The following C12orf57 variants were observed in gnomAD, a reference collection of about 807,000 sequenced individuals.
The protein encoded by C12orf57 is chromosome 12 open reading frame 57.
In C12orf57, 14 loss-of-function variants were observed where a neutral mutation model predicts 11.3. The ratio of observed to expected loss-of-function variants is 1.24; its 90% CI spans 0.82 to 1.94. The LOEUF (loss-of-function observed/expected upper bound fraction) is 1.94. Ranked by LOEUF, C12orf57 falls within the 30% of genes most tolerant of loss-of-function variation. The pLI is 0.00. For synonymous variants in C12orf57, 100 were observed against 74.6 expected (o/e 1.34, Z -1.76); for missense variants, 229 against 172.4 (o/e 1.33, Z -1.84).
At chr12:6,943,466 A>G, upstream of C12orf57, 1 of 1,240,796 alleles carries the variant, frequency 8.1e-7, no homozygotes, top group Non-Finnish European at 1.0e-6. Context: ...ATTAGGCTCC[A>G]TCGCTCATCA....
upstream of C12orf57, chr12:6,943,632 T>C (rs1945683913): frequency 7.8e-7 from 1 of 1,289,418 alleles, no homozygotes; most frequent in African/African-American, 1.5e-5. Flanking sequence ...TGAGAACAAA[T>C]GTTCGCGAAC....
upstream of C12orf57, chr12:6,943,853 T>TC (rs1298070350): frequency 1.1e-6 from 1 of 909,286 alleles, no homozygotes; most frequent in East Asian, 3.2e-5. Context: ...CTAGTAGGCT[T>TC]TCTGGCTTTT....
In C12orf57 at chr12:6,944,055, T is replaced by G; in HGVS notation, c.-67T>G. ...CTCCCAGGGGCGTTGGGAACGGTTG[T>G]AGGACGTGGCTCTTTATTCGTGAGT... On this transcript the variant is annotated 5_prime_UTR_variant, in exon 1 of 3. Transcript: ENST00000229281. 1.2e-6 allele frequency: 2 copies of G among 1,612,906 alleles called. No individual in the cohort carries two copies. Among genetic ancestry groups the G allele is most frequent in the South Asian group, 1.1e-5 (1 of 91,062 alleles).
At position 6,944,629 on chromosome 12, in the gene C12orf57, A is replaced by G. The variant is rs782485941; in HGVS notation, c.206A>G (p.Tyr69Cys). The change falls in exon 2 of 3, where the codon TAT (tyrosine) becomes TGT (cysteine). Residue 69 changes from tyrosine to cysteine, a missense_variant. Transcript: ENST00000229281. ...ATCCAGCAGGAGGTTATCAAAGCCTATGGCTTCAGCTGCGACGGGGAAGGT... is the reference window on the plus strand; with the variant it reads ...ATCCAGCAGGAGGTTATCAAAGCCTGTGGCTTCAGCTGCGACGGGGAAGGT... ...TQIQQEVIKA[Y>C]GFSCDGEGVL... is the part of the protein sequence containing the mutation. The G allele has an allele frequency of 3.1e-6, 5 of 1,613,548 alleles. No homozygotes were observed. Among genetic ancestry groups the G allele is most frequent in the Admixed American group, 1.7e-5 (1 of 60,018 alleles).
rs148547360 is a variant in C12orf57, at chr12:6,945,205, C to G, written c.229+553C>G. ...AGGATGGTCAACCTGTACTGTTAATCACATTATTATTCCATTTTGTGATGA... is the reference window on the plus strand; with the variant it reads ...AGGATGGTCAACCTGTACTGTTAATGACATTATTATTCCATTTTGTGATGA... On this transcript the variant is annotated intron_variant, in intron 2 of 2. Coordinates refer to ENST00000229281, the MANE Select transcript of C12orf57 (RefSeq NM_138425.4). 1.3e-3 allele frequency: 258 copies of G among 195,834 alleles called. 1 individual carries two copies. Among genetic ancestry groups the G allele is most frequent in the African/African-American group, 5.5e-3 (236 of 42,758 alleles). The allele number at this position is 195,834 out of a possible 1,614,324, so 12.1% of individuals were successfully genotyped here. A position where few individuals can be genotyped will look rare whatever the true frequency, so the allele number is the denominator to read the frequency against.
In C12orf57 at chr12:6,945,752, C is replaced by A; in HGVS notation, c.230-19C>A. On this transcript the variant is annotated intron_variant, in intron 2 of 2. Coordinates refer to ENST00000229281, the MANE Select transcript of C12orf57 (RefSeq NM_138425.4). Reference sequence around the variant, plus strand: ...GCTGGTCCTTAGGAGAAGGGTTGACCTTCCACTCCCTCTTGCAGGTGTCCT... The same window carrying A: ...GCTGGTCCTTAGGAGAAGGGTTGACATTCCACTCCCTCTTGCAGGTGTCCT... 2 of 1,612,526 alleles carry A rather than the reference C, an allele frequency of 1.2e-6. No individual in the cohort carries two copies. Among genetic ancestry groups the A allele is most frequent in the Non-Finnish European group, 1.7e-6 (2 of 1,179,372 alleles).
rs201874669 is a variant in C12orf57 at position 6,944,102 on chromosome 12, C to A, written c.-20C>A. ...GAGTTTTCCATTTACCTCCGCTGAA[C>A]CTAGAGCTTCAGACGCCCTATGGCG... On this transcript the variant is annotated 5_prime_UTR_variant, in exon 1 of 3. Transcript: ENST00000229281. 16 of 1,614,172 alleles carry A rather than the reference C, an allele frequency of 9.9e-6. No homozygotes were observed. The East Asian group carries it at 3.6e-4, about 36-fold the overall frequency.
chr12:6,943,974 AAG>A, upstream of C12orf57: 2 of 1,565,026 alleles, frequency 1.3e-6, no homozygotes, highest in Non-Finnish European at 1.7e-6. Context: ...TTGGGGTATG[AAG>A]GTTTGGGCCA....
intron 2 of C12orf57, 33 bp from the exon 3 acceptor site, chr12:6,945,738 G>T: frequency 6.2e-7 from 1 of 1,610,398 alleles, no homozygotes. Flanking sequence ...CTGGTCCTTA[G>T]GAGAAGGGTT....
Position 6,944,043 on chromosome 12 carries a change from T to TA in C12orf57, c.-79_-78insA. On this transcript the variant is annotated 5_prime_UTR_variant, in exon 1 of 3. Coordinates refer to ENST00000229281, the MANE Select transcript of C12orf57 (RefSeq NM_138425.4). ...GTTTCCTTTCCGCTCCCAGGGGCGTTGGGAACGGTTGTAGGACGTGGCTCT... is the reference window on the plus strand; with the variant it reads ...GTTTCCTTTCCGCTCCCAGGGGCGTTAGGGAACGGTTGTAGGACGTGGCTCT... The TA allele has an allele frequency of 1.2e-6, 2 of 1,611,556 alleles. No homozygotes were observed. Among genetic ancestry groups the TA allele is most frequent in the South Asian group, 2.2e-5 (2 of 90,998 alleles).
At chr12:6,943,995 C>G (rs781998653), upstream of C12orf57, 223 of 1,588,584 alleles carry the variant, frequency 1.4e-4, no homozygotes, top group African/African-American at 6.8e-5. Context: ...CACGCCTGGG[C>G]GCTTCCGGCT....
chr12:6,943,859 C>A (rs7965269), upstream of C12orf57: 1 of 939,032 alleles, frequency 1.1e-6, no homozygotes, highest in Non-Finnish European at 1.5e-6. Flanking sequence ...GGCTTTCTGG[C>A]TTTTTACCGG....
intron 1 of C12orf57, 22 bp downstream of exon 1, chr12:6,944,195 G>C (rs370246021): frequency 4.5e-6 from 7 of 1,565,852 alleles, no homozygotes; most frequent in Non-Finnish European, 6.1e-6. Flanking sequence ...CCTAGTCAAG[G>C]CATAGGCTGC....
At chr12:6,943,939 T>G (rs145227821), upstream of C12orf57, 5 of 1,411,522 alleles carry the variant, frequency 3.5e-6, no homozygotes, top group Non-Finnish European at 4.7e-6. Flanking sequence ...TGGGTAGTTT[T>G]GGTGGTCTTG....
upstream of C12orf57, chr12:6,943,514 T>C: frequency 7.8e-7 from 1 of 1,277,994 alleles, no homozygotes; most frequent in South Asian, 1.3e-5. Context: ...CAACGGCTTT[T>C]GCTCTGGGCC....
At chr12:6,944,444 G>A in intron 1 of C12orf57, 32 bp from the exon 2 acceptor site, 2 of 1,603,484 alleles carry the variant, frequency 1.2e-6, no homozygotes, top group Non-Finnish European at 1.7e-6. Context: ...CGCCTACCCG[G>A]GACGCCTCCC....
In C12orf57 at chr12:6,944,183, G is replaced by GT; in HGVS notation, c.52+11dup. The GT allele has an allele frequency of 6.2e-7, 1 of 1,614,212 alleles. No homozygotes were observed. The highest frequency in any genetic ancestry group is 1.1e-5 in the South Asian group (1 of 91,090). ...GCTGAGCAAGCAAAGGGTGAGAATC[G>GT]TCCTAGTCAAGGCATAGGCTGCTGG... is the stretch of plus-strand genomic sequence containing the variant. On this transcript the variant is annotated intron_variant, in intron 1 of 2. Coordinates refer to ENST00000229281, the MANE Select transcript of C12orf57 (RefSeq NM_138425.4).
upstream of C12orf57, chr12:6,943,838 T>C (rs1188326126): frequency 6.9e-6 from 6 of 869,728 alleles, no homozygotes; most frequent in South Asian, 1.8e-5. Flanking sequence ...TCTTTTAGAA[T>C]TTGTCTAGTA....
In C12orf57 at chr12:6,944,142, A is replaced by G. The variant is rs782266400; in HGVS notation, c.21A>G (p.Gln7=). The change falls in exon 1 of 3, where the codon CAA becomes CAG. Residue 7 remains glutamine, a synonymous_variant. Transcript: ENST00000229281. ...GCCCTATGGCGTCCGCCTCGACCCAACCGGCGGCCTTGAGCGCTGAGCAAG... is the reference window on the plus strand; with the variant it reads ...GCCCTATGGCGTCCGCCTCGACCCAGCCGGCGGCCTTGAGCGCTGAGCAAG... MASAST[Q]PAALSAEQAK... The G allele has an allele frequency of 1.2e-6, 2 of 1,614,188 alleles. No individual in the cohort carries two copies. The highest frequency in any genetic ancestry group is 2.2e-5 in the East Asian group (1 of 44,886).
Sources: allele counts gnomAD v4.1 joint callset, GRCh38; gene constraint gnomAD v4.1.1; transcripts MANE v1.5; gene names NCBI Gene and HGNC (gene_info 2026-07-23, HGNC 2026-07-21).